The following ASIC2 variants were observed in gnomAD, a reference collection of about 807,000 sequenced individuals.
ASIC2 encodes the protein acid sensing ion channel subunit 2, also known as acid-sensing ion channel 2.
A neutral mutation model predicts 57.3 loss-of-function variants in ASIC2; 25 were observed. The observed-to-expected ratio is 0.44, with a 90% CI of 0.32 to 0.61. ASIC2 has a LOEUF of 0.61. Ranked by LOEUF, ASIC2 falls within the 20% of genes least tolerant of loss-of-function variation. The pLI is 0.06. For synonymous variants in ASIC2, 319 were observed against 307.5 expected (o/e 1.04, Z -0.39); for missense variants, 641 against 738.1 (o/e 0.87, Z 1.52).
chr17:33,384,939 A>G (rs1909620268), intron 1 of ASIC2, among the ~76,000 whole-genome samples: 1 of 152,200 alleles, frequency 6.6e-6, no homozygotes, highest in South Asian at 2.1e-4. Flanking sequence ...CCCATCCCCC[A>G]TAATGCAAGG....
intron 1 of ASIC2, among the ~76,000 whole-genome samples, chr17:33,213,375 G>T (rs1014835710): frequency 1.3e-5 from 2 of 152,210 alleles, no homozygotes; most frequent in Non-Finnish European, 2.9e-5. Flanking sequence ...GGCAATTTCA[G>T]GGAAGAGAAG....
Position 33,324,283 on chromosome 17 carries a change from G to C in ASIC2, c.556-212216C>G, listed in dbSNP as rs1040589381. Among the ~76,000 whole-genome samples, 4 of 149,962 alleles carry C rather than the reference G, an allele frequency of 2.7e-5. No individual in the cohort carries two copies. In the East Asian group the frequency reaches 8.3e-4, roughly 31 times the overall value. ...ATTTCAGAAGCAGAACAAGGTTATG[G>C]ACAGAGCAAGGGTTTTTTTTTCACA... On this transcript the variant is annotated intron_variant, in intron 1 of 9. Transcript: ENST00000359872.
At chr17:33,510,360 A>C (rs1399043583) in intron 1 of ASIC2, among the ~76,000 whole-genome samples, 2 of 152,166 alleles carry the variant, frequency 1.3e-5, no homozygotes, top group Admixed American at 1.3e-4. Flanking sequence ...TTCTTGAAAA[A>C]GCAGAGGGTA....
chr17:33,291,732 T>A lies in ASIC2; in HGVS notation c.384A>T (p.Leu128Phe), dbSNP rs542011056. The A allele has an allele frequency of 6.2e-7, 1 of 1,611,066 alleles. No individual in the cohort carries two copies. Among genetic ancestry groups the A allele is most frequent in the Non-Finnish European group, 8.5e-7 (1 of 1,178,708 alleles). Residue 128 changes from leucine to phenylalanine, a missense_variant, in exon 1 of 10, where the codon TTA (leucine) becomes TTT (phenylalanine). Transcript: ENST00000225823. The part of the protein sequence containing the change: ...TRVHREWSRQ[L>F]PFPAVTVCNN... ...TGCACACAGTGACGGCGGGGAAGGG[T>A]AACTGGCGGCTCCACTCGCGGTGCA... is the stretch of plus-strand genomic sequence containing the variant.
intron 1 of ASIC2, among the ~76,000 whole-genome samples, chr17:33,948,687 C>T (rs1182922189): frequency 2.0e-5 from 3 of 152,220 alleles, no homozygotes; most frequent in Non-Finnish European, 4.4e-5. Flanking sequence ...TGGACTTCGG[C>T]AAATGACTTT....
intron 1 of ASIC2, among the ~76,000 whole-genome samples, chr17:33,346,448 G>C (rs1907953216): frequency 6.6e-6 from 1 of 152,116 alleles, no homozygotes; most frequent in Non-Finnish European, 1.5e-5. Flanking sequence ...GAGATAGAAA[G>C]AATCGGGTGG....
chr17:33,360,543 T>C (rs1367474515), intron 1 of ASIC2, among the ~76,000 whole-genome samples: 1 of 152,224 alleles, frequency 6.6e-6, no homozygotes, highest in Non-Finnish European at 1.5e-5. Context: ...GATCCTAAGC[T>C]CTTTCTTTGT....
intron 3 of ASIC2, among the ~76,000 whole-genome samples, chr17:33,063,281 T>A (rs2092028570): frequency 6.6e-6 from 1 of 152,212 alleles, no homozygotes; most frequent in Non-Finnish European, 1.5e-5. Context: ...ATTTGTCATG[T>A]TTTTGCAGTG....
intron 1 of ASIC2, among the ~76,000 whole-genome samples, chr17:34,124,266 C>T (rs1291982696): frequency 6.6e-6 from 1 of 152,130 alleles, no homozygotes; most frequent in Non-Finnish European, 1.5e-5. Flanking sequence ...GGTGACATCA[C>T]TTACTATTAC....
intron 1 of ASIC2, among the ~76,000 whole-genome samples, chr17:33,518,965 C>T (rs35551594): frequency 0.65 from 97,888 of 151,614 alleles, 31,875 homozygotes; most frequent in African/African-American, 0.69. Context: ...GGACTACAGG[C>T]GCCCGCCACT....
intron 1 of ASIC2, among the ~76,000 whole-genome samples, chr17:34,012,684 C>T (rs777817231): frequency 1.3e-5 from 2 of 151,832 alleles, no homozygotes; most frequent in Admixed American, 1.3e-4. Flanking sequence ...TTTTTTCTCT[C>T]CTACTATATT....
At chr17:33,272,942 A>T (rs1904563073) in intron 1 of ASIC2, among the ~76,000 whole-genome samples, 1 of 152,128 alleles carries the variant, frequency 6.6e-6, no homozygotes, top group South Asian at 2.1e-4. Flanking sequence ...TTTTCTTTTG[A>T]CTGAACTGCC....
chr17:33,810,524 C>A (rs139810462), intron 1 of ASIC2, among the ~76,000 whole-genome samples: 1 of 152,270 alleles, frequency 6.6e-6, no homozygotes, highest in African/African-American at 2.4e-5. Flanking sequence ...TGCTTTATAT[C>A]TGCCCATCTC....
chr17:33,683,582 C>T (rs1287734691), intron 1 of ASIC2, among the ~76,000 whole-genome samples: 1 of 152,082 alleles, frequency 6.6e-6, no homozygotes, highest in African/African-American at 2.4e-5. Context: ...TGTTCTGTTG[C>T]CTAGGCTGGA....
At chr17:33,459,452 A>C (rs1912562350) in intron 1 of ASIC2, among the ~76,000 whole-genome samples, 1 of 152,214 alleles carries the variant, frequency 6.6e-6, no homozygotes, top group Non-Finnish European at 1.5e-5. Flanking sequence ...CACATCATTA[A>C]AGCTAAATAC....
At chr17:33,439,515 G>A (rs1289911401) in intron 1 of ASIC2, among the ~76,000 whole-genome samples, 1 of 152,146 alleles carries the variant, frequency 6.6e-6, no homozygotes, top group African/African-American at 2.4e-5. Context: ...GTGCTGTAGT[G>A]TAAATTACCC....
At chr17:33,339,032 C>G (rs116497990) in intron 1 of ASIC2, among the ~76,000 whole-genome samples, 3,024 of 152,070 alleles carry the variant, frequency 0.02, 102 homozygotes, top group African/African-American at 0.069. Flanking sequence ...CACTACTGAA[C>G]TGTACATTGA....
At chr17:33,329,455 G>A (rs766985492) in intron 1 of ASIC2, among the ~76,000 whole-genome samples, 14 of 152,176 alleles carry the variant, frequency 9.2e-5, no homozygotes, top group Non-Finnish European at 1.5e-4. Context: ...GGAGGACCCA[G>A]ACTCTGTGTT....
chr17:33,284,354 T>C (rs889335738), intron 1 of ASIC2, among the ~76,000 whole-genome samples: 1 of 152,232 alleles, frequency 6.6e-6, no homozygotes, highest in South Asian at 2.1e-4. Flanking sequence ...AGTGATTTAG[T>C]TGAGGTTGTG....
Sources: gnomAD v4.1 joint callset for allele counts (sites outside exome capture counted in the v4.1 genomes callset) on GRCh38, gnomAD v4.1.1 for gene constraint, MANE v1.5 for transcripts, NCBI Gene and HGNC (gene_info 2026-07-23, HGNC 2026-07-21) for gene names.